Variants in TUBGCP5 observed in about 807,000 individuals in gnomAD.
TUBGCP5 encodes tubulin gamma complex component 5.
A neutral mutation model predicts 134.7 loss-of-function variants in TUBGCP5; 98 were observed. That is an observed-to-expected ratio of 0.73 (90% CI 0.62 to 0.86). The LOEUF is 0.86. TUBGCP5 is among the 40% of genes least tolerant of loss of function. TUBGCP5 has a pLI of 0.00. For missense variants in TUBGCP5, 1,150 were observed against 1,244.8 expected (o/e 0.92, Z 1.15); for synonymous variants, 456 against 431.4 (o/e 1.06, Z -0.71).
Position 23,030,818 on chromosome 15 carries a change from A to C in TUBGCP5, c.622+67T>G, listed in dbSNP as rs539625259. 3.4e-4 allele frequency: 544 copies of C among 1,581,344 alleles called. 2 individuals are homozygous for C. Among genetic ancestry groups the C allele is most frequent in the Non-Finnish European group, 2.0e-4 (235 of 1,166,040 alleles). ...ACCTTGATTACATGGAACTGATCTC[A>C]AAGTTTGCCTTTCCTTCTAGGGAAT... On this transcript the variant is annotated intron_variant, in intron 6 of 22. Coordinates refer to ENST00000615383, the MANE Select transcript of TUBGCP5 (RefSeq NM_052903.6).
At chr15:23,016,411 T>C (rs932768551) in intron 13 of TUBGCP5, among the ~76,000 whole-genome samples, 13 of 151,578 alleles carry the variant, frequency 8.6e-5, no homozygotes, top group African/African-American at 2.9e-4. Context: ...GGAGAATCAC[T>C]TGAGCCAGGG....
At chr15:23,025,719 T>C (rs1258234069) in intron 8 of TUBGCP5, among the ~76,000 whole-genome samples, 1 of 151,706 alleles carries the variant, frequency 6.6e-6, no homozygotes, top group African/African-American at 2.4e-5. Context: ...TAGTCCCAGC[T>C]ACTCGGGAGG....
Position 23,004,121 on chromosome 15 carries a change from C to T in TUBGCP5, c.2819G>A (p.Arg940Gln). Residue 940 changes from arginine to glutamine, a missense_variant, in exon 20 of 23, where the codon CGG becomes CAG. By Grantham distance (43) the Arg-to-Gln change is conservative (BLOSUM62 1). Coordinates refer to ENST00000615383, the MANE Select transcript of TUBGCP5 (RefSeq NM_052903.6). ...ATGTACCTTTTCTCTCAGCAGACACCGGTCATGGATGGTTGACAGATACCT... is the reference window on the plus strand; with the variant it reads ...ATGTACCTTTTCTCTCAGCAGACACTGGTCATGGATGGTTGACAGATACCT... ...HYRYLSTIHD[R>Q]CLLREKVSFV... 1 of 1,610,676 alleles carries T rather than the reference C, an allele frequency of 6.2e-7. No individual in the cohort carries two copies. Among genetic ancestry groups the T allele is most frequent in the Non-Finnish European group, 8.5e-7 (1 of 1,179,104 alleles).
At chr15:23,025,854 A>G (rs1451265997) in intron 8 of TUBGCP5, among the ~76,000 whole-genome samples, 2 of 151,854 alleles carry the variant, frequency 1.3e-5, no homozygotes, top group Non-Finnish European at 2.9e-5. Context: ...AAAAATCAGT[A>G]GCAAATCTTG....
chr15:23,030,901 A>C lies in TUBGCP5; in HGVS notation c.606T>G (p.Pro202=). The C allele has an allele frequency of 6.2e-7, 1 of 1,612,032 alleles. No homozygotes were observed. Among genetic ancestry groups the C allele is most frequent in the Non-Finnish European group, 8.5e-7 (1 of 1,179,578 alleles). ...EEQDQNRKLD[P]CISWKDEPDD... ...ACATAATACCTTTCCAACTGATACA[A>C]GGATCCAGTTTTCTGTTTTGATCTT... The change falls in exon 6 of 23, where the codon CCT becomes CCG. Residue 202 remains proline (P), a synonymous_variant. Coordinates refer to ENST00000615383, the MANE Select transcript of TUBGCP5 (RefSeq NM_052903.6).
intron 6 of TUBGCP5, 51 bp downstream of exon 6, chr15:23,030,834 T>C (rs761702427): frequency 6.3e-7 from 1 of 1,594,366 alleles, no homozygotes; most frequent in African/African-American, 1.4e-5. Flanking sequence ...TGCCTTTCCT[T>C]CTAGGGAATT....
intron 12 of TUBGCP5, 27 bp from the exon 13 acceptor site, chr15:23,018,068 C>T: frequency 6.4e-7 from 1 of 1,567,742 alleles, no homozygotes; most frequent in Non-Finnish European, 8.7e-7. Context: ...GAATTTTAAA[C>T]TCTTATTTCT....
chr15:23,039,378 C>T lies in TUBGCP5; in HGVS notation c.146+20G>A, dbSNP rs751066396. 429 of 1,413,892 alleles carry T rather than the reference C, an allele frequency of 3.0e-4. 2 individuals carry two copies. The highest frequency in any genetic ancestry group is 3.9e-4 in the Non-Finnish European group (419 of 1,071,108). 87.6% of individuals were successfully genotyped at this position (1,413,892 alleles called of 1,614,324 possible). On this transcript the variant is annotated intron_variant, in intron 1 of 22. Transcript: ENST00000615383. ...CTCCGGGCTGTGGCCGGGAACCCGC[C>T]CGCGCGCCGTGCCCCACACCTGAAG...
intron 12 of TUBGCP5, among the ~76,000 whole-genome samples, 183 bp downstream of exon 12, chr15:23,019,036 T>C (rs971657253): frequency 6.6e-6 from 1 of 152,206 alleles, no homozygotes; most frequent in Non-Finnish European, 1.5e-5. Context: ...ATATTTCTAA[T>C]CAGCTGGTAT....
Position 23,010,060 on chromosome 15 carries a change from A to C in TUBGCP5, c.2029T>G (p.Ser677Ala). The C allele has an allele frequency of 6.2e-7, 1 of 1,614,200 alleles. No homozygotes were observed. The highest frequency in any genetic ancestry group is 8.5e-7 in the Non-Finnish European group (1 of 1,180,036). ...AATTCAAAAGTCTGGCATGTCACAG[A>C]TTCCGATGATCTATCCACACATACA... ...GDVCVDRSSE[S>A]VTCQTFELTL... Residue 677 changes from serine to alanine, a missense_variant, in exon 15 of 23, where the codon TCT (serine) becomes GCT (alanine). Physicochemically the swap from Ser to Ala is moderately conservative, Grantham distance 99. This residue lies in a region of TUBGCP5 where 697 missense variants were observed against 850.1 expected (regional missense o/e 0.82). Coordinates refer to ENST00000615383, the MANE Select transcript of TUBGCP5 (RefSeq NM_052903.6).
chr15:23,014,605 C>T (rs373897645), intron 13 of TUBGCP5, among the ~76,000 whole-genome samples: 4 of 152,292 alleles, frequency 2.6e-5, no homozygotes, highest in African/African-American at 9.6e-5. Context: ...CTGGCAGATA[C>T]ATACCTAGGA....
At chr15:23,004,798 A>G (rs1023188140) in intron 19 of TUBGCP5, among the ~76,000 whole-genome samples, 1 of 152,160 alleles carries the variant, frequency 6.6e-6, no homozygotes, top group Non-Finnish European at 1.5e-5. Context: ...CTTCCCATCC[A>G]AAACACAGGC....
chr15:23,003,496 C>T (rs2064507827), intron 20 of TUBGCP5, among the ~76,000 whole-genome samples: 1 of 152,150 alleles, frequency 6.6e-6, no homozygotes, highest in South Asian at 2.1e-4. Context: ...ATGAAGTGGA[C>T]ATGCTATTGC....
chr15:23,024,386 T>A, intron 9 of TUBGCP5, 193 bp from the exon 10 acceptor site: 1 of 582,886 alleles, frequency 1.7e-6, no homozygotes, highest in Non-Finnish European at 2.7e-6. Flanking sequence ...TTCAACAGAC[T>A]AGAGAATTAT....
rs755466275 is a variant in TUBGCP5, at chr15:23,010,130, C to G, written c.1959G>C (p.Met653Ile). 6.2e-7 allele frequency: 1 copy of G among 1,610,846 alleles called. No homozygotes were observed. The highest frequency in any genetic ancestry group is 8.5e-7 in the Non-Finnish European group (1 of 1,177,676). ...DPLLAINFAR[M>I]YLEQSDFHEK... ...CGTGAAAGTCACTCTGCTCCAAATACATCCTTCAAGATAAAAATGTGAGTC... is the reference window on the plus strand; with the variant it reads ...CGTGAAAGTCACTCTGCTCCAAATAGATCCTTCAAGATAAAAATGTGAGTC... Residue 653 changes from methionine to isoleucine, a missense_variant, in exon 15 of 23, where the codon ATG (methionine) becomes ATC (isoleucine). Transcript: ENST00000615383.
rs1366294032 is a variant in TUBGCP5, at chr15:23,024,738, T to C, written c.920A>G (p.His307Arg). Residue 307 changes from histidine to arginine, a missense_variant and splice_region_variant, in exon 9 of 23, where the codon CAT becomes CGT. Around this residue, in one of 2 missense-constraint regions of TUBGCP5, gnomAD observed 453 missense variants for 394.7 expected, o/e 1.15. Coordinates refer to ENST00000615383, the MANE Select transcript of TUBGCP5 (RefSeq NM_052903.6). ...TTACCATAAATACAAATAACTTACA[T>C]GTGTTAAATGAGTTACTATAATATT... ...RNNIIVTHLTHSCLRSVLEQI... is the reference protein window; with the variant it reads ...RNNIIVTHLTRSCLRSVLEQI... The C allele has an allele frequency of 2.1e-6, 3 of 1,421,386 alleles. No homozygotes were observed. Among genetic ancestry groups the C allele is most frequent in the African/African-American group, 2.9e-5 (2 of 69,272 alleles). The allele number at this position is 1,421,386 out of a possible 1,614,324, so 88.0% of individuals were successfully genotyped here. A position where few individuals can be genotyped will look rare whatever the true frequency, so the allele number is the denominator to read the frequency against.
At chr15:23,026,574 A>G (rs547658937) in intron 7 of TUBGCP5, among the ~76,000 whole-genome samples, 2 of 152,342 alleles carry the variant, frequency 1.3e-5, no homozygotes, top group South Asian at 4.1e-4. Context: ...AACAGAGACT[A>G]TAATTAAATA....
At chr15:23,015,749 C>T (rs1595863927) in intron 13 of TUBGCP5, among the ~76,000 whole-genome samples, 2 of 152,192 alleles carry the variant, frequency 1.3e-5, no homozygotes, top group African/African-American at 4.8e-5. Context: ...GCAAACATCA[C>T]TAAAGTGGAT....
Position 22,999,702 on chromosome 15 carries a change from A to C in TUBGCP5, c.*118T>G, listed in dbSNP as rs751952207. 23 of 1,133,944 alleles carry C rather than the reference A, an allele frequency of 2.0e-5. No individual in the cohort carries two copies. In the Middle Eastern group the frequency reaches 2.6e-3, roughly 126 times the overall value. 70.2% of individuals were successfully genotyped at this position (1,133,944 alleles called of 1,614,324 possible). On this transcript the variant is annotated 3_prime_UTR_variant, in exon 23 of 23. Coordinates refer to ENST00000615383, the MANE Select transcript of TUBGCP5 (RefSeq NM_052903.6). ...AGGCATGAGCGACTGTGCCAGGCTGACTGTGGACAAGTTTTACAAATAAAC... is the reference window on the plus strand; with the variant it reads ...AGGCATGAGCGACTGTGCCAGGCTGCCTGTGGACAAGTTTTACAAATAAAC...
Sources: gnomAD v4.1 joint callset for allele counts (sites outside exome capture counted in the v4.1 genomes callset) on GRCh38, gnomAD v4.1.1 for gene constraint, gnomAD v4.1.1 regional missense constraint, MANE v1.5 for transcripts, NCBI Gene and HGNC (gene_info 2026-07-23, HGNC 2026-07-21) for gene names.